The following HK1 variants were observed in gnomAD, a reference collection of about 807,000 sequenced individuals.
HK1 encodes hexokinase-1.
In HK1, 28 loss-of-function variants were observed where a neutral mutation model predicts 91.6. That is an observed-to-expected ratio of 0.31 (90% CI 0.23 to 0.42). The LOEUF (loss-of-function observed/expected upper bound fraction) is 0.42. Ranked by LOEUF, HK1 falls within the 10% of genes least tolerant of loss-of-function variation. The pLI is 1.00. For missense variants in HK1, 770 were observed against 1,219.8 expected, an observed-to-expected ratio of 0.63 and a Z score of 5.49; for synonymous variants, 430 against 468.1, an observed-to-expected ratio of 0.92 and a Z score of 1.05.
At chr10:69,382,415 G>C in intron 9 of HK1, 72 bp from the exon 10 acceptor site, 1 of 1,464,660 alleles carries the variant, frequency 6.8e-7, no homozygotes, top group Non-Finnish European at 9.6e-7. Flanking sequence ...AGTGGAGAAA[G>C]AAAGGGTGGC....
chr10:69,350,606 G>A (rs1848800656), intron 2 of HK1, among the ~76,000 whole-genome samples: 1 of 151,968 alleles, frequency 6.6e-6, no homozygotes. Flanking sequence ...AGGTTGCAGT[G>A]AACCAAGATT....
chr10:69,358,136 G>T (rs535709737), intron 2 of HK1, among the ~76,000 whole-genome samples: 1 of 152,306 alleles, frequency 6.6e-6, no homozygotes, highest in African/African-American at 2.4e-5. Flanking sequence ...GCTGTGGAAG[G>T]CAGGGGTGGC....
At chr10:69,382,378 A>G (rs1006015235) in intron 9 of HK1, 109 bp from the exon 10 acceptor site, 16 of 1,239,198 alleles carry the variant, frequency 1.3e-5, no homozygotes, top group East Asian at 7.0e-5. Flanking sequence ...CTGTCTCAAA[A>G]AAAAGGAAAA....
intron 8 of HK1, among the ~76,000 whole-genome samples, chr10:69,378,833 ACCTTAACATCCCAAGCTT>A (rs1839246765): frequency 6.6e-6 from 1 of 152,222 alleles, no homozygotes; most frequent in Non-Finnish European, 1.5e-5. Context: ...TTCTCGTATT[ACCTTAACATCCCAAGCTT>A]CCTTTCCTTT....
At chr10:69,333,900 C>T (rs1847852414) in intron 1 of HK1, among the ~76,000 whole-genome samples, 1 of 152,076 alleles carries the variant, frequency 6.6e-6, no homozygotes, top group Admixed American at 6.6e-5. Context: ...ATCACAAGGT[C>T]AAGAGATCAA....
upstream of HK1, among the ~76,000 whole-genome samples, chr10:69,311,592 G>C (rs961664369): frequency 6.6e-6 from 1 of 152,140 alleles, no homozygotes; most frequent in South Asian, 2.1e-4. Context: ...TGAAGCCTGG[G>C]AAGGCCTCAA....
At chr10:69,319,742 C>T (rs1458941399) in intron 1 of HK1, among the ~76,000 whole-genome samples, 1 of 152,250 alleles carries the variant, frequency 6.6e-6, no homozygotes, top group Non-Finnish European at 1.5e-5. Flanking sequence ...AGCACTTGGA[C>T]GCATGCATCC....
At chr10:69,327,608 C>T (rs563555918) in intron 1 of HK1, among the ~76,000 whole-genome samples, 10 of 152,108 alleles carry the variant, frequency 6.6e-5, no homozygotes, top group African/African-American at 1.4e-4. Context: ...GATCACCAGG[C>T]GGAGAGATGT....
chr10:69,360,095 G>T lies in HK1; in HGVS notation c.375+50G>T, dbSNP rs201275622. 5.8e-4 allele frequency: 922 copies of T among 1,583,810 alleles called. 6 individuals carry two copies. Among genetic ancestry groups the T allele is most frequent in the Admixed American group, 9.0e-4 (54 of 59,960 alleles). On this transcript the variant is annotated intron_variant, in intron 3 of 17. Transcript: ENST00000359426. ...ACCCCGTCGGGCCAGCATCCCCTTGGTTACCTCCAGGAACCAGGCCTCAAA... is the reference window on the plus strand; with the variant it reads ...ACCCCGTCGGGCCAGCATCCCCTTGTTTACCTCCAGGAACCAGGCCTCAAA...
intron 2 of HK1, among the ~76,000 whole-genome samples, chr10:69,349,074 C>T (rs1848710457): frequency 6.6e-6 from 1 of 152,166 alleles, no homozygotes; most frequent in African/African-American, 2.4e-5. Flanking sequence ...GGAAAGGTCA[C>T]AGGCAGGAGG....
In HK1 at chr10:69,379,805, G is replaced by A. The variant is rs928110309; in HGVS notation, c.1032-57G>A. On this transcript the variant is annotated intron_variant, in intron 8 of 17. Transcript: ENST00000359426. The stretch of plus-strand genomic sequence containing the variant: ...CTTTCCAGCACCTTTGAGCCTCAGT[G>A]CTTTGCACTGCCTCATGTGGTCCTC... 4 of 1,244,192 alleles carry A rather than the reference G, an allele frequency of 3.2e-6. No individual in the cohort carries two copies. In the African/African-American group the frequency reaches 5.9e-5, roughly 18 times the overall value. 77.1% of individuals were successfully genotyped at this position (1,244,192 alleles called of 1,614,324 possible). A position where few individuals can be genotyped will look rare whatever the true frequency, so the allele number is the denominator to read the frequency against.
At chr10:69,350,555 G>A (rs574407502) in intron 2 of HK1, among the ~76,000 whole-genome samples, 6 of 151,934 alleles carry the variant, frequency 3.9e-5, no homozygotes, top group Non-Finnish European at 7.4e-5. Context: ...CCAGCTACTC[G>A]GGAGGCTGAG....
chr10:69,371,591 C>T (rs1850008894), intron 7 of HK1, among the ~76,000 whole-genome samples: 2 of 152,206 alleles, frequency 1.3e-5, no homozygotes, highest in South Asian at 4.1e-4. Flanking sequence ...TGAGAAGTCT[C>T]TTTTCTTAGA....
chr10:69,291,826 TC>T lies in HK1; in HGVS notation c.-115+3058del, dbSNP rs374295243. ...TCTTTCTCATAGGTTTCCTGACAAT[TC>T]CAAGCCCCAGAGAGTATTTTTCCCT... is the stretch of plus-strand genomic sequence containing the variant. On this transcript the variant is annotated intron_variant, in intron 3 of 21. Transcript: ENST00000360289. Among the ~76,000 whole-genome samples, 63 of 152,324 alleles carry T rather than the reference TC, an allele frequency of 4.1e-4. 2 individuals carry two copies. In the East Asian group the frequency reaches 0.011, roughly 27 times the overall value.
intron 1 of HK1, among the ~76,000 whole-genome samples, chr10:69,335,967 A>G (rs1277741532): frequency 6.6e-6 from 1 of 152,164 alleles, no homozygotes; most frequent in Non-Finnish European, 1.5e-5. Context: ...AGTGTTTATG[A>G]TATAATTCCA....
intron 15 of HK1, among the ~76,000 whole-genome samples, chr10:69,392,583 C>T (rs1355461669): frequency 1.3e-5 from 2 of 152,170 alleles, no homozygotes; most frequent in Non-Finnish European, 2.9e-5. Context: ...GCCTTCCGGT[C>T]CCCTTGCTGT....
intron 11 of HK1, 83 bp downstream of exon 11, chr10:69,384,564 C>A (rs114798064): frequency 5.1e-6 from 8 of 1,565,770 alleles, no homozygotes; most frequent in Non-Finnish European, 7.0e-6. Context: ...AAATCCGCCA[C>A]GGGGTGCCCA....
At position 69,318,898 on chromosome 10, in the gene HK1, G is replaced by C; in HGVS notation, c.-50G>C. 6.4e-7 allele frequency: 1 copy of C among 1,550,774 alleles called. No homozygotes were observed. Among genetic ancestry groups the C allele is most frequent in the Non-Finnish European group, 8.7e-7 (1 of 1,149,748 alleles). On this transcript the variant is annotated 5_prime_UTR_variant, in exon 1 of 18. Coordinates refer to ENST00000359426, the MANE Select transcript of HK1 (RefSeq NM_000188.3). ...GAGGACCACGGCTCGCCAGGGCTGC[G>C]GAGGACCGACCGTCCCCACGCCTGC...
chr10:69,360,938 A>G (rs1252157657), intron 3 of HK1, among the ~76,000 whole-genome samples: 1 of 152,178 alleles, frequency 6.6e-6, no homozygotes, highest in African/African-American at 2.4e-5. Context: ...AGCTGGCCAA[A>G]TGTTTGCTTT....
Sources: gnomAD v4.1 joint callset for allele counts (sites outside exome capture counted in the v4.1 genomes callset) on GRCh38, gnomAD v4.1.1 for gene constraint, MANE v1.5 for transcripts, NCBI Gene and HGNC (gene_info 2026-07-23, HGNC 2026-07-21) for gene names.